FBLN2: variants seen among roughly 807,000 people sequenced by gnomAD.
FBLN2 encodes the protein fibulin 2, also known as fibulin-2.
Under a neutral mutation model 123.7 loss-of-function variants are expected in FBLN2, and 81 were observed. The observed-to-expected ratio is 0.65, with a 90% CI of 0.55 to 0.79. FBLN2 has a LOEUF of 0.79. FBLN2 is among the 30% of genes least tolerant of loss of function. The probability of loss-of-function intolerance (pLI) is 0.00; values close to 1 mark genes in which losing one functional copy is unlikely to be tolerated. For missense variants in FBLN2, 1,603 were observed against 1,681.3 expected (o/e 0.95, Z 0.81); for synonymous variants, 699 against 701.4 (o/e 1.00, Z 0.05).
At chr3:13,581,567 CT>C (rs1338949552) in intron 2 of FBLN2, among the ~76,000 whole-genome samples, 1 of 152,204 alleles carries the variant, frequency 6.6e-6, no homozygotes, top group Non-Finnish European at 1.5e-5. Flanking sequence ...AGCAGGGCCG[CT>C]GCTTTTGCCA....
At chr3:13,549,789 C>A (rs1242352856) in intron 1 of FBLN2, among the ~76,000 whole-genome samples, 1 of 152,062 alleles carries the variant, frequency 6.6e-6, no homozygotes, top group African/African-American at 2.4e-5. Flanking sequence ...CTCCCTCTCC[C>A]AGCCCCATGC....
At chr3:13,631,974 T>TGCAAAATGGGAGGGTCC (rs1426711163) in intron 16 of FBLN2, among the ~76,000 whole-genome samples, 1 of 149,264 alleles carries the variant, frequency 6.7e-6, no homozygotes, top group East Asian at 2.0e-4. Flanking sequence ...TGGGAGGGGC[T>TGCAAAATGGGAGGGTCC]GCACAATGGG....
intron 2 of FBLN2, among the ~76,000 whole-genome samples, chr3:13,576,276 A>C (rs890241664): frequency 3.9e-5 from 6 of 152,218 alleles, no homozygotes; most frequent in Non-Finnish European, 5.9e-5. Context: ...CTGACACTGC[A>C]GAGCCCCTCA....
In FBLN2 at chr3:13,628,999, G is replaced by T. The variant is rs372761820; in HGVS notation, c.2664G>T (p.Leu888=). Residue 888 remains leucine (L), a synonymous_variant, in exon 12 of 18, where the codon CTG becomes CTT. Coordinates refer to ENST00000404922, the MANE Select transcript of FBLN2 (RefSeq NM_001004019.2). The part of the protein sequence containing the change: ...VGSYTCQRNP[L]ICARGYHASD... The stretch of plus-strand genomic sequence containing the variant: ...CCTACACATGCCAGAGGAACCCGCT[G>T]ATCTGCGCGCGCGGCTACCACGCCA... 3.7e-6 allele frequency: 6 copies of T among 1,613,532 alleles called. No homozygotes were observed. The highest frequency in any genetic ancestry group is 4.2e-6 in the Non-Finnish European group (5 of 1,179,794).
chr3:13,581,179 G>A (rs1042033917), intron 2 of FBLN2, among the ~76,000 whole-genome samples: 1 of 150,374 alleles, frequency 6.7e-6, no homozygotes, highest in Non-Finnish European at 1.5e-5. Context: ...GTGCACCTGG[G>A]GGCCACACAC....
At chr3:13,573,680 G>T (rs1704037431) in intron 2 of FBLN2, among the ~76,000 whole-genome samples, 1 of 152,064 alleles carries the variant, frequency 6.6e-6, no homozygotes, top group South Asian at 2.1e-4. Flanking sequence ...AAGGTGGGTG[G>T]GTCACCAGAG....
At chr3:13,617,013 A>G (rs1442776821) in intron 5 of FBLN2, among the ~76,000 whole-genome samples, 1 of 152,188 alleles carries the variant, frequency 6.6e-6, no homozygotes, top group African/African-American at 2.4e-5. Context: ...GTAACACTTT[A>G]GTGAGAGCTT....
intron 1 of FBLN2, 73 bp from the exon 2 acceptor site, chr3:13,570,242 C>T (rs1014962289): frequency 2.3e-5 from 32 of 1,422,094 alleles, no homozygotes; most frequent in Middle Eastern, 1.8e-4. Context: ...CCCCTGCCCG[C>T]GTGCGTGCCG....
Position 13,621,797 on chromosome 3 carries a change from T to G in FBLN2, c.2178T>G (p.Gly726=), listed in dbSNP as rs1474063539. Residue 726 remains glycine (G), a synonymous_variant, in exon 9 of 18, where the codon GGT becomes GGG. Transcript: ENST00000404922. ...TAGACCAAGACGAGTGCCTGATGGG[T>G]GCTCACGATTGTAGCCGGCGACAGT... ...SCEDQDECLM[G]AHDCSRRQFC... 2 of 1,613,974 alleles carry G rather than the reference T, an allele frequency of 1.2e-6. No homozygotes were observed. Among genetic ancestry groups the G allele is most frequent in the Non-Finnish European group, 1.7e-6 (2 of 1,179,872 alleles).
intron 2 of FBLN2, among the ~76,000 whole-genome samples, chr3:13,590,868 T>G (rs765324102): frequency 1.1e-4 from 17 of 152,370 alleles, no homozygotes; most frequent in Middle Eastern, 6.8e-3. Flanking sequence ...ACTGTTGCTG[T>G]GAGCATTCTC....
At chr3:13,587,144 CAAA>C (rs57120285) in intron 2 of FBLN2, among the ~76,000 whole-genome samples, 3 of 70,960 alleles carry the variant, frequency 4.2e-5, no homozygotes, top group African/African-American at 4.3e-5. Flanking sequence ...GACTCCGTCT[CAAA>C]AAAAAAAAAA....
chr3:13,565,542 C>CT (rs1484013234), intron 1 of FBLN2, among the ~76,000 whole-genome samples: 1 of 152,246 alleles, frequency 6.6e-6, no homozygotes, highest in Non-Finnish European at 1.5e-5. Context: ...AGGGTGATTG[C>CT]TTGAGGCTAG....
intron 2 of FBLN2, among the ~76,000 whole-genome samples, chr3:13,573,220 C>A (rs934446216): frequency 1.1e-4 from 16 of 152,118 alleles, no homozygotes; most frequent in Non-Finnish European, 1.0e-4. Flanking sequence ...TCTTCTCACA[C>A]CAGTCAGAGC....
intron 1 of FBLN2, 99 bp from the exon 2 acceptor site, chr3:13,570,216 G>A (rs1703884771): frequency 3.0e-6 from 4 of 1,313,466 alleles, no homozygotes; most frequent in Non-Finnish European, 4.0e-6. Flanking sequence ...ATGCGTGTGA[G>A]GTGGCTGAGG....
intron 2 of FBLN2, among the ~76,000 whole-genome samples, chr3:13,607,119 C>G (rs1346116225): frequency 6.6e-6 from 1 of 152,154 alleles, no homozygotes; most frequent in Non-Finnish European, 1.5e-5. Context: ...TCCTGAGTAG[C>G]TGGGATTACA....
At position 13,571,544 on chromosome 3, in the gene FBLN2, G is replaced by A. The variant is rs1459559318; in HGVS notation, c.1189G>A (p.Ala397Thr). ...NILSTSLPDA[A>T]WIPPTREVPR... ...CCTGTCCACATCACTGCCTGATGCA[G>A]CCTGGATCCCACCCACCCGAGAAGT... The change falls in exon 2 of 18, where the codon GCC becomes ACC. Residue 397 changes from alanine to threonine, a missense_variant. Coordinates refer to ENST00000404922, the MANE Select transcript of FBLN2 (RefSeq NM_001004019.2). 1 of 1,613,638 alleles carries A rather than the reference G, an allele frequency of 6.2e-7. No homozygotes were observed. Among genetic ancestry groups the A allele is most frequent in the South Asian group, 1.1e-5 (1 of 90,942 alleles).
chr3:13,597,901 C>T (rs1476912032), intron 2 of FBLN2, among the ~76,000 whole-genome samples: 1 of 152,196 alleles, frequency 6.6e-6, no homozygotes, highest in African/African-American at 2.4e-5. Flanking sequence ...ACTGCCAACC[C>T]CAGGAGGCCA....
At chr3:13,635,434 A>G (rs1222392684) in intron 16 of FBLN2, among the ~76,000 whole-genome samples, 4 of 151,778 alleles carry the variant, frequency 2.6e-5, no homozygotes, top group Non-Finnish European at 5.9e-5. Context: ...TGCTTCTCTG[A>G]GCTTTCGTGA....
At chr3:13,613,928 G>C in intron 4 of FBLN2, 56 bp from the exon 5 acceptor site, 2 of 1,565,476 alleles carry the variant, frequency 1.3e-6, no homozygotes, top group Non-Finnish European at 1.7e-6. Flanking sequence ...CCTCCCCTGA[G>C]CCTAGCTCCA....
Sources: allele counts gnomAD v4.1 joint callset (sites outside exome capture counted in the v4.1 genomes callset), GRCh38; gene constraint gnomAD v4.1.1; transcripts MANE v1.5; gene names NCBI Gene and HGNC (gene_info 2026-07-23, HGNC 2026-07-21).